The following POMP variants were observed in gnomAD, a reference collection of about 807,000 sequenced individuals.
The protein encoded by POMP is proteasome maturation protein.
POMP carries 12 observed loss-of-function variants against 20.6 expected under a neutral mutation model. The ratio of observed to expected loss-of-function variants is 0.58; its 90% CI spans 0.37 to 0.94. The LOEUF (loss-of-function observed/expected upper bound fraction) is 0.94, where lower values mean the gene tolerates loss of function less well. POMP is among the 40% of genes least tolerant of loss of function. POMP has a pLI of 0.01. For synonymous variants in POMP, 53 were observed against 55.0 expected (o/e 0.96, Z 0.16); for missense variants, 136 against 161.1 (o/e 0.84, Z 0.84).
intron 1 of POMP, 77 bp from the exon 2 acceptor site, chr13:28,662,333 A>T: frequency 9.1e-7 from 1 of 1,102,438 alleles, no homozygotes; most frequent in South Asian, 1.3e-5. Context: ...CTACTTAAAC[A>T]ATATTTTTGA....
chr13:28,661,915 A>G (rs946723982), intron 1 of POMP, among the ~76,000 whole-genome samples: 1 of 152,054 alleles, frequency 6.6e-6, no homozygotes, highest in African/African-American at 2.4e-5. Flanking sequence ...ATTCTGTGTT[A>G]TACACTCTAA....
intron 1 of POMP, among the ~76,000 whole-genome samples, chr13:28,661,295 A>T (rs1198906064): frequency 6.7e-6 from 1 of 150,104 alleles, no homozygotes; most frequent in African/African-American, 2.4e-5. Context: ...TTGAGACCTT[A>T]TCTCCACAAA....
At chr13:28,663,716 A>G (rs916319757) in intron 2 of POMP, among the ~76,000 whole-genome samples, 3 of 152,212 alleles carry the variant, frequency 2.0e-5, no homozygotes, top group Admixed American at 1.3e-4. Flanking sequence ...AATGCAGCAT[A>G]TAGCCTGTGA....
At chr13:28,674,491 C>G (rs1884597866) in intron 5 of POMP, among the ~76,000 whole-genome samples, 2 of 152,178 alleles carry the variant, frequency 1.3e-5, no homozygotes, top group Non-Finnish European at 2.9e-5. Flanking sequence ...CTGCTCCCAG[C>G]TTGCAGAATG....
chr13:28,668,361 G>A, intron 3 of POMP, 112 bp from the exon 4 acceptor site: 1 of 756,006 alleles, frequency 1.3e-6, no homozygotes, highest in African/African-American at 1.7e-5. Flanking sequence ...TTTATTACAG[G>A]TATGGATATT....
intron 3 of POMP, among the ~76,000 whole-genome samples, chr13:28,668,219 ATTCCT>A (rs1236530735): frequency 1.2e-4 from 19 of 152,352 alleles, no homozygotes; most frequent in African/African-American, 3.8e-4. Context: ...TAGGAGACAC[ATTCCT>A]TTACTTTTAT....
intron 3 of POMP, among the ~76,000 whole-genome samples, chr13:28,665,494 A>T (rs1353869146): frequency 6.6e-6 from 1 of 152,200 alleles, no homozygotes; most frequent in Non-Finnish European, 1.5e-5. Context: ...GAGTACACTT[A>T]TAAGTATGTG....
At chr13:28,661,522 T>G (rs1198718049) in intron 1 of POMP, among the ~76,000 whole-genome samples, 5 of 152,176 alleles carry the variant, frequency 3.3e-5, no homozygotes, top group African/African-American at 1.2e-4. Context: ...ACACCATGTT[T>G]TCTTTGCTTG....
At chr13:28,666,791 A>G (rs1884455832) in intron 3 of POMP, among the ~76,000 whole-genome samples, 1 of 152,230 alleles carries the variant, frequency 6.6e-6, no homozygotes, top group Non-Finnish European at 1.5e-5. Context: ...GAAGATGGCC[A>G]TCATCATTTG....
In POMP at chr13:28,672,333, C is replaced by G; in HGVS notation, c.265-6C>G. ...TAATCTTGTCCCTTCATACTTTTCC[C>G]CAAAGGTTCAGCGTCTTCCATTTCT... On this transcript the variant is annotated splice_polypyrimidine_tract_variant and splice_region_variant and intron_variant, in intron 4 of 5. Transcript: ENST00000380842. 6.3e-7 allele frequency: 1 copy of G among 1,595,876 alleles called. No homozygotes were observed. The highest frequency in any genetic ancestry group is 8.6e-7 in the Non-Finnish European group (1 of 1,163,564).
chr13:28,665,802 G>A (rs909613136), intron 3 of POMP, among the ~76,000 whole-genome samples: 1 of 152,168 alleles, frequency 6.6e-6, no homozygotes, highest in Non-Finnish European at 1.5e-5. Context: ...ATCTGACAAG[G>A]GATAAGATTG....
At chr13:28,669,367 A>G (rs1280733401) in intron 4 of POMP, among the ~76,000 whole-genome samples, 1 of 151,418 alleles carries the variant, frequency 6.6e-6, no homozygotes, top group Middle Eastern at 3.2e-3. Context: ...CTTGGCTTTT[A>G]TGTTTTTACT....
chr13:28,664,772 T>G (rs1238763006), intron 3 of POMP, among the ~76,000 whole-genome samples: 3 of 152,172 alleles, frequency 2.0e-5, no homozygotes, highest in East Asian at 3.9e-4. Flanking sequence ...CTTACCTGCC[T>G]TTTTAATGTA....
At chr13:28,673,040 A>G (rs1421883293) in intron 5 of POMP, among the ~76,000 whole-genome samples, 1 of 151,074 alleles carries the variant, frequency 6.6e-6, no homozygotes, top group Non-Finnish European at 1.5e-5. Context: ...TTGTACTTCT[A>G]CAGGTGATAA....
intron 4 of POMP, among the ~76,000 whole-genome samples, chr13:28,670,148 C>G (rs1884522202): frequency 6.6e-6 from 1 of 152,172 alleles, no homozygotes; most frequent in African/African-American, 2.4e-5. Flanking sequence ...AGTTACAATT[C>G]TCATGAGCTA....
At position 28,675,068 on chromosome 13, in the gene POMP, T is replaced by C. The variant is rs147193959; in HGVS notation, c.358+2636T>C. Among the ~76,000 whole-genome samples the C allele has an allele frequency of 1.3e-3, 194 of 152,238 alleles. 1 individual carries two copies. The highest frequency in any genetic ancestry group is 4.5e-3 in the African/African-American group (185 of 41,540). ...AATAAAAAATAAGCCACTTGCTATC[T>C]TGTGGGCATCTTTTAAAATTCATTC... On this transcript the variant is annotated intron_variant, in intron 5 of 5. Coordinates refer to ENST00000380842, the MANE Select transcript of POMP (RefSeq NM_015932.6).
chr13:28,662,103 C>G (rs1261846177), intron 1 of POMP, among the ~76,000 whole-genome samples: 1 of 152,190 alleles, frequency 6.6e-6, no homozygotes, highest in Non-Finnish European at 1.5e-5. Flanking sequence ...CTCAAACTAC[C>G]TGAAGCTTGT....
At chr13:28,665,419 A>C (rs1262631381) in intron 3 of POMP, among the ~76,000 whole-genome samples, 6 of 152,214 alleles carry the variant, frequency 3.9e-5, no homozygotes, top group Admixed American at 3.9e-4. Context: ...TTAGATGAGA[A>C]AAATAAAAAA....
intron 3 of POMP, among the ~76,000 whole-genome samples, chr13:28,665,878 CTG>C (rs1272074989): frequency 6.6e-6 from 1 of 152,144 alleles, no homozygotes; most frequent in Non-Finnish European, 1.5e-5. Flanking sequence ...AGGTTGGTAA[CTG>C]TACCCAGAGA....
Sources: gnomAD v4.1 joint callset for allele counts (sites outside exome capture counted in the v4.1 genomes callset) on GRCh38, gnomAD v4.1.1 for gene constraint, MANE v1.5 for transcripts, NCBI Gene and HGNC (gene_info 2026-07-23, HGNC 2026-07-21) for gene names.